RTKN: variants seen among roughly 807,000 people sequenced by gnomAD.
The protein encoded by RTKN is rhotekin.
A neutral mutation model predicts 63.5 loss-of-function variants in RTKN; 49 were observed. The observed-to-expected ratio is 0.77, with a 90% confidence interval of 0.61 to 0.98. RTKN has a LOEUF of 0.98. Among genes scored for constraint, RTKN ranks in the 50% least tolerant of loss-of-function variants. The probability of loss-of-function intolerance (pLI) is 0.00; values close to 1 mark genes in which losing one functional copy is unlikely to be tolerated. For missense variants in RTKN, 685 were observed against 740.8 expected (o/e 0.92, Z 0.87); for synonymous variants, 295 against 290.4 (o/e 1.02, Z -0.16).
At chr2:74,441,543 A>G (rs1197769580) in intron 1 of RTKN, among the ~76,000 whole-genome samples, 163 bp downstream of exon 1, 2 of 152,182 alleles carry the variant, frequency 1.3e-5, no homozygotes, top group African/African-American at 4.8e-5. Flanking sequence ...GAAAATGCAG[A>G]CCGTCCACAC....
At position 74,432,572 on chromosome 2, in the gene RTKN, A is replaced by G. The variant is rs1296519833; in HGVS notation, c.206T>C (p.Leu69Pro). 1 of 1,614,124 alleles carries G rather than the reference A, an allele frequency of 6.2e-7. No individual in the cohort carries two copies. The highest frequency in any genetic ancestry group is 1.7e-5 in the Admixed American group (1 of 60,036). The stretch of plus-strand genomic sequence containing the variant: ...CACTAGCAGGCTCTTGGTGGCCTCC[A>G]GAGCCTGCTCTCGCTGGGAGCAGGC... Reference protein sequence around the residue: ...LAACSQREQALEATKSLLVCN... With the variant: ...LAACSQREQAPEATKSLLVCN... Residue 69 changes from leucine (L) to proline (P), a missense_variant, in exon 2 of 12, where the codon CTG (leucine) becomes CCG (proline). Coordinates refer to ENST00000272430, the MANE Select transcript of RTKN (RefSeq NM_001015055.2).
At position 74,427,234 on chromosome 2, in the gene RTKN, T is replaced by C. The variant is rs1183811332; in HGVS notation, c.1295A>G (p.Glu432Gly). The C allele has an allele frequency of 1.2e-6, 2 of 1,614,094 alleles. No individual in the cohort carries two copies. The highest frequency in any genetic ancestry group is 3.3e-5 in the Admixed American group (2 of 60,008). The change falls in exon 11 of 12, where the codon GAA becomes GGA. Residue 432 changes from glutamate to glycine, a missense_variant. Coordinates refer to ENST00000272430, the MANE Select transcript of RTKN (RefSeq NM_001015055.2). ...KQCCDEIMKI[E>G]TPAPRKPPQA... The stretch of plus-strand genomic sequence containing the variant: ...GGGTGGTTTCCGGGGAGCAGGAGTT[T>C]CAATTTTCATGATTTCATCACAGCA...
chr2:74,427,549 C>T lies in RTKN; in HGVS notation c.1130G>A (p.Arg377Gln), dbSNP rs1353852352. 17 of 1,613,758 alleles carry T rather than the reference C, an allele frequency of 1.1e-5. No homozygotes were observed. The highest frequency in any genetic ancestry group is 3.3e-5 in the South Asian group (3 of 91,058). ...RAGELDQALG[R>Q]PFTLSISNQY... ...GTTACTGATGCTTAGGGTGAAGGGC[C>T]GTCCTAGAGCCTGGTCCAGCTCCCC... Residue 377 changes from arginine to glutamine, a missense_variant, in exon 10 of 12, where the codon CGG (arginine) becomes CAG (glutamine). Transcript: ENST00000272430.
intron 1 of RTKN, among the ~76,000 whole-genome samples, chr2:74,437,028 C>A (rs1288268340): frequency 2.0e-5 from 3 of 152,170 alleles, no homozygotes; most frequent in Admixed American, 2.0e-4. Flanking sequence ...CTGTTGATAT[C>A]CCTTCCACCC....
intron 1 of RTKN, among the ~76,000 whole-genome samples, chr2:74,441,149 G>A (rs933542014): frequency 2.0e-5 from 3 of 152,244 alleles, no homozygotes; most frequent in African/African-American, 4.8e-5. Flanking sequence ...AAAAGGAGGC[G>A]GAAATTTTGC....
intron 9 of RTKN, 164 bp from the exon 10 acceptor site, chr2:74,427,756 G>GTCTCATCCCCAGCCCTTTTTT: frequency 1.5e-6 from 1 of 681,738 alleles, no homozygotes; most frequent in Non-Finnish European, 2.4e-6. Context: ...AAAAAGGGCT[G>GTCTCATCCCCAGCCCTTTTTT]GGGATGAGAC....
chr2:74,439,905 G>A (rs1282662280), intron 1 of RTKN: 1 of 1,259,114 alleles, frequency 7.9e-7, no homozygotes, highest in South Asian at 2.0e-5. Context: ...GGTCCCAGGA[G>A]GAAAGGCCAG....
intron 1 of RTKN, among the ~76,000 whole-genome samples, chr2:74,438,101 G>C (rs188703993): frequency 6.6e-6 from 1 of 152,236 alleles, no homozygotes; most frequent in African/African-American, 2.4e-5. Context: ...TGCCATTCCT[G>C]ATCTAGACTC....
At chr2:74,438,893 G>A (rs1457413800) in intron 1 of RTKN, among the ~76,000 whole-genome samples, 1 of 152,134 alleles carries the variant, frequency 6.6e-6, no homozygotes, top group African/African-American at 2.4e-5. Context: ...GTATATTTCT[G>A]TTCTCCCACT....
chr2:74,434,231 T>C (rs991324151), intron 1 of RTKN, among the ~76,000 whole-genome samples: 1 of 150,990 alleles, frequency 6.6e-6, no homozygotes, highest in Non-Finnish European at 1.5e-5. Context: ...GCCTCCTGAG[T>C]AGCTGAGATT....
rs559393879 is a variant in RTKN at position 74,430,631 on chromosome 2, G to A, written c.358C>T (p.Arg120Trp). The A allele has an allele frequency of 1.4e-4, 230 of 1,613,870 alleles. 2 individuals are homozygous for A. In the South Asian group the frequency reaches 1.9e-3, roughly 13 times the overall value. ...TGCTTCTTACCAGAGATGCAGACCC[G>A]GCCGCGGCAGGGGGAGCGCTCAGCG... ...PPAERSPCRG[R>W]VCISDLRIPL... Residue 120 changes from arginine (R) to tryptophan (W), a missense_variant, in exon 3 of 12, where the codon CGG (arginine) becomes TGG (tryptophan). Coordinates refer to ENST00000272430, the MANE Select transcript of RTKN (RefSeq NM_001015055.2).
chr2:74,439,786 T>C, intron 1 of RTKN: 1 of 1,446,576 alleles, frequency 6.9e-7, no homozygotes. Context: ...TCTGCACTCC[T>C]GTTAAACCCC....
At chr2:74,440,398 G>A (rs1671299706) in intron 1 of RTKN, 9 of 986,588 alleles carry the variant, frequency 9.1e-6, no homozygotes, top group Non-Finnish European at 9.6e-6. Flanking sequence ...GAAGGCAGGG[G>A]TGTGCCTGTC....
intron 9 of RTKN, 76 bp downstream of exon 9, chr2:74,428,192 C>A: frequency 6.3e-7 from 1 of 1,598,866 alleles, no homozygotes; most frequent in Non-Finnish European, 8.6e-7. Flanking sequence ...GAGGTATGTG[C>A]CCACCCTCCT....
At chr2:74,428,515 G>T in intron 8 of RTKN, 116 bp downstream of exon 8, 1 of 1,567,306 alleles carries the variant, frequency 6.4e-7, no homozygotes. Context: ...CCCTCGTCTG[G>T]CCATACCCCA....
chr2:74,428,125 G>T, intron 9 of RTKN, 143 bp downstream of exon 9: 1 of 1,008,078 alleles, frequency 9.9e-7, no homozygotes, highest in Non-Finnish European at 1.5e-6. Context: ...GGAAAATACG[G>T]GCCCCTGAAG....
At chr2:74,438,663 C>G (rs1250930046) in intron 1 of RTKN, among the ~76,000 whole-genome samples, 2 of 152,238 alleles carry the variant, frequency 1.3e-5, no homozygotes, top group Non-Finnish European at 2.9e-5. Flanking sequence ...CACACTGGCT[C>G]TCTCTTTCCC....
rs1573263308 is a variant in RTKN, at chr2:74,436,733, T to A, written c.112-4067A>T. On this transcript the variant is annotated intron_variant, in intron 1 of 11. Coordinates refer to ENST00000272430, the MANE Select transcript of RTKN (RefSeq NM_001015055.2). The surrounding 1 kb of genome is among the most constrained non-coding windows in gnomAD (Gnocchi z 4.3). The stretch of plus-strand genomic sequence containing the variant: ...TTCCCTACTGATCTCCAGCCCCAAA[T>A]CCACTCTCCCAAGGCCCAAGGCCGG... 1.3e-5 allele frequency among the ~76,000 whole-genome samples: 2 copies of A among 152,104 alleles called. No individual in the cohort carries two copies. Among genetic ancestry groups the A allele is most frequent in the Middle Eastern group, 3.4e-3 (1 of 294 alleles).
chr2:74,427,413 TTC>T lies in RTKN; in HGVS notation c.1255+9_1255+10del, dbSNP rs775725440. On this transcript the variant is annotated intron_variant, in intron 10 of 11. Coordinates refer to ENST00000272430, the MANE Select transcript of RTKN (RefSeq NM_001015055.2). The stretch of plus-strand genomic sequence containing the variant: ...TTCCCAAAGGTTCAACCCAGCCCCC[TTC>T]TCTCTTACTCATGTCAAAGAAAAGC... 6.2e-7 allele frequency: 1 copy of T among 1,613,890 alleles called. No homozygotes were observed. The highest frequency in any genetic ancestry group is 1.7e-5 in the Admixed American group (1 of 59,968).
Sources: gnomAD v4.1 joint callset for allele counts (sites outside exome capture counted in the v4.1 genomes callset) on GRCh38, gnomAD v4.1.1 for gene constraint, Gnocchi (gnomAD v3.1) non-coding constraint, MANE v1.5 for transcripts, NCBI Gene and HGNC (gene_info 2026-07-23, HGNC 2026-07-21) for gene names.